CCL17: variants seen among roughly 807,000 people sequenced by gnomAD.
The protein encoded by CCL17 is C-C motif chemokine ligand 17.
Under a neutral mutation model 7.4 loss-of-function variants are expected in CCL17, and 8 were observed. The observed-to-expected ratio is 1.09, with a 90% CI of 0.64 to 1.96. CCL17 has a LOEUF of 1.96. Among genes scored for constraint, CCL17 ranks in the 30% most tolerant of loss-of-function variants. The probability of loss-of-function intolerance (pLI) is 0.00; values close to 1 mark genes in which losing one functional copy is unlikely to be tolerated. For missense variants in CCL17, 102 were observed against 113.0 expected (o/e 0.90, Z 0.44); for synonymous variants, 40 against 46.1 (o/e 0.87, Z 0.54).
At chr16:57,400,221 T>C (rs1902572723), upstream of CCL17, among the ~76,000 whole-genome samples, 1 of 151,466 alleles carries the variant, frequency 6.6e-6, no homozygotes, top group Admixed American at 6.6e-5. Flanking sequence ...TAGCTGGGAG[T>C]AGTGGCGGGC....
In CCL17 at chr16:57,415,804, C is replaced by T; in HGVS notation, c.228C>T (p.Pro76=). Residue 76 remains proline, a synonymous_variant, in exon 4 of 4, where the codon CCC becomes CCT. Transcript: ENST00000219244. This position sits in a 1 kb window ranked among gnomAD's most constrained non-coding sequence, Gnocchi z 4.5. Reference sequence around the variant, plus strand: ...AGGGCAGGGCCATCTGTTCGGACCCCAACAACAAGAGAGTGAAGAATGCAG... The same window carrying T: ...AGGGCAGGGCCATCTGTTCGGACCCTAACAACAAGAGAGTGAAGAATGCAG... The part of the protein sequence containing the change: ...TVQGRAICSD[P]NNKRVKNAVK... The T allele has an allele frequency of 6.2e-7, 1 of 1,613,558 alleles. No homozygotes were observed. The highest frequency in any genetic ancestry group is 8.5e-7 in the Non-Finnish European group (1 of 1,179,524).
At chr16:57,406,655 G>T (rs1902700608) in intron 1 of CCL17, among the ~76,000 whole-genome samples, 1 of 152,164 alleles carries the variant, frequency 6.6e-6, no homozygotes, top group African/African-American at 2.4e-5. Flanking sequence ...CATCAAGAAG[G>T]ATGGTAGGTT....
At chr16:57,412,359 G>T (rs1902798623) in intron 1 of CCL17, among the ~76,000 whole-genome samples, 1 of 152,160 alleles carries the variant, frequency 6.6e-6, no homozygotes, top group South Asian at 2.1e-4. Flanking sequence ...CGAAGTCGAG[G>T]GTCTTTGTCT....
chr16:57,408,169 T>C (rs1902727672), intron 1 of CCL17, among the ~76,000 whole-genome samples: 1 of 151,972 alleles, frequency 6.6e-6, no homozygotes, highest in Admixed American at 6.6e-5. Context: ...CCTTTCACCA[T>C]CCATCCACCA....
At chr16:57,412,957 C>T (rs1180327542) in intron 1 of CCL17, among the ~76,000 whole-genome samples, 1 of 152,168 alleles carries the variant, frequency 6.6e-6, no homozygotes. Flanking sequence ...TTTATTCCTG[C>T]CCCCACTGGA....
chr16:57,414,167 A>G (rs1269656431), intron 2 of CCL17, among the ~76,000 whole-genome samples, 165 bp downstream of exon 2: 5 of 152,034 alleles, frequency 3.3e-5, no homozygotes, highest in Admixed American at 1.3e-4. Flanking sequence ...GGAAACAAGC[A>G]GAGAAAAATG....
At chr16:57,403,964 GT>G (rs1902659200), upstream of CCL17, among the ~76,000 whole-genome samples, 1 of 151,920 alleles carries the variant, frequency 6.6e-6, no homozygotes, top group African/African-American at 2.4e-5. Context: ...GCCTAAAAAA[GT>G]TTGAAAAAGG....
chr16:57,415,173 G>A lies in CCL17; in HGVS notation c.163G>A (p.Glu55Lys). 1 of 1,612,424 alleles carries A rather than the reference G, an allele frequency of 6.2e-7. No homozygotes were observed. The highest frequency in any genetic ancestry group is 1.3e-5 in the African/African-American group (1 of 75,020). ...GCTGAAGACGTGGTACCAGACATCT[G>A]AGGACTGCTCCAGGGATGCCATCGT... Reference protein sequence around the residue: ...RKLKTWYQTSEDCSRDAIVFV... With the variant: ...RKLKTWYQTSKDCSRDAIVFV... The change falls in exon 3 of 4, where the codon GAG becomes AAG. Residue 55 changes from glutamate to lysine, a missense_variant. Coordinates refer to ENST00000219244, the MANE Select transcript of CCL17 (RefSeq NM_002987.3). This position sits in a 1 kb window ranked among gnomAD's most constrained non-coding sequence, Gnocchi z 4.5.
upstream of CCL17, among the ~76,000 whole-genome samples, chr16:57,403,416 T>TTATATTATAATA (rs1435030953): frequency 5.4e-5 from 1 of 18,436 alleles, no homozygotes; most frequent in Non-Finnish European, 7.4e-5. Flanking sequence ...AATATATATA[T>TTATATTATAATA]TATATTATAA....
At position 57,416,011 on chromosome 16, in the gene CCL17, G is replaced by T. The variant is rs1436374818; in HGVS notation, c.*150G>T. 2 of 608,620 alleles carry T rather than the reference G, an allele frequency of 3.3e-6. No individual in the cohort carries two copies. Among genetic ancestry groups the T allele is most frequent in the Non-Finnish European group, 5.9e-6 (2 of 336,956 alleles). The allele number at this position is 608,620 out of a possible 1,614,324, so 37.7% of individuals were successfully genotyped here. A position where few individuals can be genotyped will look rare whatever the true frequency, so the allele number is the denominator to read the frequency against. ...ACAGTGAGGGAGATCCCATCCCCTT[G>T]TCTGAACTGGAGCCATGGGCACAAA... On this transcript the variant is annotated 3_prime_UTR_variant, in exon 4 of 4. Coordinates refer to ENST00000219244, the MANE Select transcript of CCL17 (RefSeq NM_002987.3).
intron 1 of CCL17, among the ~76,000 whole-genome samples, chr16:57,410,110 C>T (rs1178076274): frequency 1.3e-5 from 2 of 152,176 alleles, no homozygotes; most frequent in African/African-American, 2.4e-5. Context: ...GAAGAGCTGC[C>T]GCCCCAGCCG....
chr16:57,412,933 A>G (rs551273807), intron 1 of CCL17, among the ~76,000 whole-genome samples: 1 of 152,202 alleles, frequency 6.6e-6, no homozygotes, highest in South Asian at 2.1e-4. Flanking sequence ...CAACCTCATT[A>G]TTGCAATTCT....
chr16:57,415,687 G>A lies in CCL17; in HGVS notation c.189-78G>A. On this transcript the variant is annotated intron_variant, in intron 3 of 3. Transcript: ENST00000219244. The surrounding 1 kb of genome is among the most constrained non-coding windows in gnomAD (Gnocchi z 4.5). ...TCTTGGAGCCTTGGAATCCTGGTCA[G>A]CACAGGGCGGGCCGTCCCAGGGACT... 1.1e-6 allele frequency: 1 copy of A among 899,676 alleles called. No homozygotes were observed. Among genetic ancestry groups the A allele is most frequent in the Non-Finnish European group, 1.9e-6 (1 of 536,708 alleles). 55.7% of individuals were successfully genotyped at this position (899,676 alleles called of 1,614,324 possible).
upstream of CCL17, among the ~76,000 whole-genome samples, chr16:57,403,478 T>TG (rs1420472462): frequency 0.24 from 442 of 1,812 alleles, 96 homozygotes; most frequent in African/African-American, 0.53. Context: ...ATTATATATA[T>TG]TATATAATAA....
At chr16:57,410,731 G>T (rs2146538235) in intron 1 of CCL17, among the ~76,000 whole-genome samples, 1 of 152,332 alleles carries the variant, frequency 6.6e-6, no homozygotes, top group East Asian at 1.9e-4. Context: ...TCCCTGGAGA[G>T]GAAACCACCT....
chr16:57,412,149 G>T (rs1902794513), intron 1 of CCL17, among the ~76,000 whole-genome samples: 5 of 152,202 alleles, frequency 3.3e-5, no homozygotes, highest in Admixed American at 3.3e-4. Context: ...AGCTCTGTGG[G>T]ACAGACCAAA....
chr16:57,407,517 C>CT (rs1367064405), intron 1 of CCL17, among the ~76,000 whole-genome samples: 20 of 152,290 alleles, frequency 1.3e-4, no homozygotes, highest in Admixed American at 1.2e-3. Context: ...TTCAGAATCT[C>CT]TAAGTGACCA....
At chr16:57,403,511 T>A (rs1320035177), upstream of CCL17, among the ~76,000 whole-genome samples, 3 of 26,814 alleles carry the variant, frequency 1.1e-4, no homozygotes, top group African/African-American at 8.5e-4. Context: ...AATATATATA[T>A]TATATTATAT....
the CCL17 span, among the ~76,000 whole-genome samples, chr16:57,399,331 G>A: frequency 6.6e-6 from 1 of 152,286 alleles, no homozygotes; most frequent in Non-Finnish European, 1.5e-5. Flanking sequence ...AGAGTGTCAG[G>A]GGTAGGTAAC....
Sources: allele counts gnomAD v4.1 joint callset (sites outside exome capture counted in the v4.1 genomes callset), GRCh38; gene constraint gnomAD v4.1.1; non-coding constraint Gnocchi (gnomAD v3.1); transcripts MANE v1.5; gene names NCBI Gene and HGNC (gene_info 2026-07-23, HGNC 2026-07-21).